The following CAMK4 variants were observed in gnomAD, a reference collection of about 807,000 sequenced individuals.
CAMK4 encodes the protein calcium/calmodulin-dependent protein kinase type IV.
In CAMK4, 22 loss-of-function variants were observed where a neutral mutation model predicts 44.9. The ratio of observed to expected loss-of-function variants is 0.49; its 90% CI spans 0.35 to 0.70. CAMK4 has a LOEUF of 0.70. Ranked by LOEUF, CAMK4 falls within the 30% of genes least tolerant of loss-of-function variation. The pLI, the probability that CAMK4 is intolerant of heterozygous loss-of-function variation, is 0.01. For missense variants in CAMK4, 498 were observed against 586.8 expected, an observed-to-expected ratio of 0.85 and a Z score of 1.56; for synonymous variants, 218 against 215.4, an observed-to-expected ratio of 1.01 and a Z score of -0.11.
chr5:111,244,267 A>G (rs1749135317), intron 1 of CAMK4, among the ~76,000 whole-genome samples: 1 of 152,208 alleles, frequency 6.6e-6, no homozygotes, highest in African/African-American at 2.4e-5. Flanking sequence ...TGTTTTGCTT[A>G]CTATTTTTTT....
intron 2 of CAMK4, among the ~76,000 whole-genome samples, chr5:111,355,486 T>TA (rs1554064296): frequency 6.8e-6 from 1 of 146,822 alleles, no homozygotes; most frequent in South Asian, 2.2e-4. Flanking sequence ...TCTGCATTCT[T>TA]TTTATTTATT....
Position 111,297,548 on chromosome 5 carries a change from T to C in CAMK4, c.162-46476T>C, listed in dbSNP as rs372478133. Among the ~76,000 whole-genome samples the C allele has an allele frequency of 1.5e-4, 23 of 152,362 alleles. 1 individual carries two copies. In the South Asian group the frequency reaches 4.6e-3, roughly 30 times the overall value. ...TATTTAAAATTCTGACATTCTGGCT[T>C]TTTTTGCATTGACTATGATTTGTTT... On this transcript the variant is annotated intron_variant, in intron 1 of 10. Transcript: ENST00000282356.
chr5:111,408,559 A>G (rs6862916), intron 5 of CAMK4, among the ~76,000 whole-genome samples: 15,404 of 152,098 alleles, frequency 0.1, 1,217 homozygotes, highest in African/African-American at 0.22. Flanking sequence ...TAACCATATC[A>G]TTCTGCCCCT....
chr5:111,354,973 A>G (rs1489664237), intron 2 of CAMK4, among the ~76,000 whole-genome samples: 1 of 152,122 alleles, frequency 6.6e-6, no homozygotes, highest in African/African-American at 2.4e-5. Flanking sequence ...AGAGGGATGG[A>G]TGGTTCAATC....
In CAMK4 at chr5:111,494,140, T is replaced by G. The variant is rs1314529955; in HGVS notation, c.*9674T>G. ...GAGGATTAGATTAATGGAACAGCAC[T>G]GCATACAGGAAAGCTACATCTCCAA... is the stretch of plus-strand genomic sequence containing the variant. On this transcript the variant is annotated 3_prime_UTR_variant, in exon 11 of 11. Transcript: ENST00000282356. 1 of 152,184 alleles carries G rather than the reference T, an allele frequency of 6.6e-6. No individual in the cohort carries two copies. Among genetic ancestry groups the G allele is most frequent in the East Asian group, 1.9e-4 (1 of 5,192 alleles). 9.4% of individuals were successfully genotyped at this position (152,184 alleles called of 1,614,324 possible).
intron 2 of CAMK4, among the ~76,000 whole-genome samples, chr5:111,358,480 A>G (rs900697144): frequency 6.6e-6 from 1 of 152,050 alleles, no homozygotes; most frequent in East Asian, 1.9e-4. Context: ...TATCAGATGG[A>G]TAGTTATATC....
Position 111,484,114 on chromosome 5 carries a change from G to A in CAMK4, c.1070G>A (p.Arg357Gln), listed in dbSNP as rs368611073. The A allele has an allele frequency of 6.2e-6, 10 of 1,613,950 alleles. No individual in the cohort carries two copies. The highest frequency in any genetic ancestry group is 2.2e-5 in the East Asian group (1 of 44,894). The change falls in exon 11 of 11, where the codon CGA becomes CAA. Residue 357 changes from arginine to glutamine, a missense_variant. Arg to Gln is a conservative substitution (Grantham distance 43, BLOSUM62 1). Transcript: ENST00000282356. This position sits in a 1 kb window ranked among gnomAD's most constrained non-coding sequence, Gnocchi z 5.3. ...ATCCAGGAGAGCCACAAGGCTAGCC[G>A]AGACCCTTCTCCAATCCAAGATGGC... Reference protein sequence around the residue: ...GSIQESHKASRDPSPIQDGNE... With the variant: ...GSIQESHKASQDPSPIQDGNE...
intron 8 of CAMK4, among the ~76,000 whole-genome samples, chr5:111,476,466 A>T (rs1428971457): frequency 6.6e-6 from 1 of 151,726 alleles, no homozygotes. Context: ...TTTAGTAGAG[A>T]TGGGGTTTCA....
chr5:111,271,113 G>T (rs1302747499), intron 1 of CAMK4, among the ~76,000 whole-genome samples: 1 of 152,142 alleles, frequency 6.6e-6, no homozygotes, highest in Non-Finnish European at 1.5e-5. Context: ...CTCCTACCAG[G>T]TCCCTCCCTT....
intron 1 of CAMK4, among the ~76,000 whole-genome samples, chr5:111,331,552 G>A (rs1311305127): frequency 6.6e-6 from 1 of 151,648 alleles, no homozygotes; most frequent in Non-Finnish European, 1.5e-5. Flanking sequence ...ATTGAGGCTC[G>A]AGTAAGATCA....
At chr5:111,239,968 C>G (rs1371867880) in intron 1 of CAMK4, among the ~76,000 whole-genome samples, 1 of 152,166 alleles carries the variant, frequency 6.6e-6, no homozygotes, top group Non-Finnish European at 1.5e-5. Flanking sequence ...TATTTGACTA[C>G]TGTTTTTTGA....
At chr5:111,394,616 G>A in intron 4 of CAMK4, 94 bp from the exon 5 acceptor site, 1 of 776,712 alleles carries the variant, frequency 1.3e-6, no homozygotes, top group Non-Finnish European at 2.2e-6. Flanking sequence ...TTGTTTATGT[G>A]CACCATCTTT....
chr5:111,396,542 C>G (rs1302632416), intron 5 of CAMK4, among the ~76,000 whole-genome samples: 3 of 149,364 alleles, frequency 2.0e-5, no homozygotes, highest in African/African-American at 7.4e-5. Flanking sequence ...TGTGCATAAA[C>G]TTAATCCTGT....
chr5:111,358,468 A>G (rs1750460732), intron 2 of CAMK4, among the ~76,000 whole-genome samples: 1 of 152,004 alleles, frequency 6.6e-6, no homozygotes, highest in Non-Finnish European at 1.5e-5. Context: ...AAAGTTGAAG[A>G]GTATCAGATG....
At chr5:111,375,083 G>A (rs796663076) in intron 3 of CAMK4, among the ~76,000 whole-genome samples, 171 bp downstream of exon 3, 4 of 152,226 alleles carry the variant, frequency 2.6e-5, no homozygotes, top group African/African-American at 9.6e-5. Context: ...GGCTGAATAA[G>A]TCTTACAAGT....
intron 5 of CAMK4, among the ~76,000 whole-genome samples, chr5:111,400,718 C>G (rs953075327): frequency 6.6e-6 from 1 of 152,186 alleles, no homozygotes; most frequent in Non-Finnish European, 1.5e-5. Flanking sequence ...TTCATTCAGT[C>G]AGTCCTCGAG....
chr5:111,485,279 T>C lies in CAMK4; in HGVS notation c.*813T>C, dbSNP rs1755575515. ...AAAGAAGGTAAGACTGTACTTAAAC[T>C]GATGAAGATAAGATTGATTCCTTTT... On this transcript the variant is annotated 3_prime_UTR_variant, in exon 11 of 11. Coordinates refer to ENST00000282356, the MANE Select transcript of CAMK4 (RefSeq NM_001744.6). The C allele has an allele frequency of 6.6e-6, 1 of 152,188 alleles. No homozygotes were observed. Among genetic ancestry groups the C allele is most frequent in the Non-Finnish European group, 1.5e-5 (1 of 68,022 alleles). 9.4% of individuals were successfully genotyped at this position (152,188 alleles called of 1,614,324 possible). A position where few individuals can be genotyped will look rare whatever the true frequency, so the allele number is the denominator to read the frequency against.
chr5:111,373,126 C>T (rs947349504), intron 2 of CAMK4, among the ~76,000 whole-genome samples: 2 of 152,120 alleles, frequency 1.3e-5, no homozygotes, highest in Admixed American at 6.6e-5. Flanking sequence ...ATTTTAATAG[C>T]TTGACTTTCT....
chr5:111,479,007 A>G (rs1318298722), intron 9 of CAMK4, among the ~76,000 whole-genome samples: 1 of 152,130 alleles, frequency 6.6e-6, no homozygotes, highest in African/African-American at 2.4e-5. Context: ...TCTCCTGAGT[A>G]GCTGGGACAC....
Sources: allele counts gnomAD v4.1 joint callset (sites outside exome capture counted in the v4.1 genomes callset), GRCh38; gene constraint gnomAD v4.1.1; non-coding constraint Gnocchi (gnomAD v3.1); transcripts MANE v1.5; gene names NCBI Gene and HGNC (gene_info 2026-07-23, HGNC 2026-07-21).